DNAH8: variants seen among roughly 807,000 people sequenced by gnomAD.
DNAH8 encodes the protein dynein axonemal heavy chain 8, also known as axonemal beta dynein heavy chain 8.
In DNAH8, 382 loss-of-function variants were observed where a neutral mutation model predicts 562.1. That is an observed-to-expected ratio of 0.68 (90% confidence interval 0.63 to 0.74). The LOEUF is 0.74. Ranked by LOEUF, DNAH8 falls within the 30% of genes least tolerant of loss-of-function variation. The pLI, the probability that DNAH8 is intolerant of heterozygous loss-of-function variation, is 0.00. For missense variants in DNAH8, 5,203 were observed against 5,620.4 expected (o/e 0.93, Z 2.37); for synonymous variants, 1,881 against 1,919.4 (o/e 0.98, Z 0.52).
chr6:38,891,926 C>A (rs1031759338), intron 58 of DNAH8, among the ~76,000 whole-genome samples: 1 of 152,138 alleles, frequency 6.6e-6, no homozygotes, highest in Non-Finnish European at 1.5e-5. Flanking sequence ...TCAAGGCCAC[C>A]AAAGACCTTG....
At chr6:38,882,751 G>A (rs566231797) in intron 53 of DNAH8, among the ~76,000 whole-genome samples, 159 bp from the exon 54 acceptor site, 2 of 152,264 alleles carry the variant, frequency 1.3e-5, no homozygotes, top group East Asian at 1.9e-4. Context: ...ATCAAATGCT[G>A]TAGACATAAG....
intron 44 of DNAH8, among the ~76,000 whole-genome samples, chr6:38,863,255 C>T (rs9357286): frequency 0.27 from 41,073 of 151,698 alleles, 6,264 homozygotes; most frequent in East Asian, 0.67. Flanking sequence ...CATGGTGAAA[C>T]CCCATCTCTA....
chr6:38,984,609 G>T (rs1764256934), intron 87 of DNAH8, among the ~76,000 whole-genome samples: 1 of 152,076 alleles, frequency 6.6e-6, no homozygotes, highest in African/African-American at 2.4e-5. Context: ...TGGCCAATAT[G>T]GTGAAACCCC....
In DNAH8 at chr6:39,028,950, G is replaced by A. The variant is rs978734779; in HGVS notation, c.13837-1155G>A. Among the ~76,000 whole-genome samples, 8 of 152,144 alleles carry A rather than the reference G, an allele frequency of 5.3e-5. No homozygotes were observed. In the East Asian group the frequency reaches 5.8e-4, roughly 11 times the overall value. The stretch of plus-strand genomic sequence containing the variant: ...TTTGCAATGAATCTTACTGTCTTTC[G>A]TTCTAATCAGCATTTACTTCCCTGA... On this transcript the variant is annotated intron_variant, in intron 92 of 92. Transcript: ENST00000327475.
intron 53 of DNAH8, among the ~76,000 whole-genome samples, chr6:38,876,319 A>C (rs1777994418): frequency 6.6e-6 from 1 of 151,922 alleles, no homozygotes; most frequent in Admixed American, 6.6e-5. Context: ...GCTCCTTAAA[A>C]GAAATGCCTT....
Position 38,848,690 on chromosome 6 carries a change from T to C in DNAH8, c.5088T>C (p.Tyr1696=), listed in dbSNP as rs1462577430. The C allele has an allele frequency of 1.2e-5, 19 of 1,612,168 alleles. No homozygotes were observed. The highest frequency in any genetic ancestry group is 1.4e-5 in the Non-Finnish European group (16 of 1,178,504). Residue 1696 remains tyrosine, a synonymous_variant, in exon 37 of 93, where the codon TAT becomes TAC. Coordinates refer to ENST00000327475, the MANE Select transcript of DNAH8 (RefSeq NM_001206927.2). ...AAAAAAATATCCAGAATTGGGTGTA[T>C]AAATTGTCCACTTCCTCAGATATAA... ...PFKKNIQNWV[Y]KLSTSSDIIE... is the part of the protein sequence containing the mutation.
rs143005131 is a variant in DNAH8, at chr6:38,872,303, T to C, written c.6991-233T>C. 3.3e-3 allele frequency among the ~76,000 whole-genome samples: 502 copies of C among 152,294 alleles called. 3 individuals carry two copies. Among genetic ancestry groups the C allele is most frequent in the Middle Eastern group, 0.014 (4 of 294 alleles). ...AAAACTAGATGCTGAGTTAATTATTTCCAAAATGTAATTCAAGCTCCACAT... is the reference window on the plus strand; with the variant it reads ...AAAACTAGATGCTGAGTTAATTATTCCCAAAATGTAATTCAAGCTCCACAT... On this transcript the variant is annotated intron_variant, in intron 49 of 92. Coordinates refer to ENST00000327475, the MANE Select transcript of DNAH8 (RefSeq NM_001206927.2).
intron 12 of DNAH8, among the ~76,000 whole-genome samples, chr6:38,775,385 A>G (rs1278562377): frequency 1.3e-5 from 2 of 152,218 alleles, no homozygotes; most frequent in African/African-American, 4.8e-5. Context: ...TGAGGGCCAA[A>G]CAGCATGGTG....
At chr6:38,823,158 C>A in intron 27 of DNAH8, 124 bp downstream of exon 27, 1 of 779,660 alleles carries the variant, frequency 1.3e-6, no homozygotes, top group Non-Finnish European at 2.0e-6. Flanking sequence ...TCTATAAATA[C>A]CAAGCACCTG....
intron 58 of DNAH8, among the ~76,000 whole-genome samples, chr6:38,891,567 T>C (rs1373320020): frequency 2.0e-5 from 3 of 152,218 alleles, no homozygotes; most frequent in East Asian, 3.8e-4. Context: ...GGGTTTCTTA[T>C]GAGATGCTCT....
chr6:38,844,296 T>G (rs1426539452), intron 35 of DNAH8, among the ~76,000 whole-genome samples: 1 of 152,114 alleles, frequency 6.6e-6, no homozygotes, highest in Non-Finnish European at 1.5e-5. Context: ...ATGTTTGTCT[T>G]TTTTTTAAGT....
Position 39,010,192 on chromosome 6 carries a change from A to G in DNAH8, c.13371+1222A>G, listed in dbSNP as rs1458411758. On this transcript the variant is annotated intron_variant, in intron 89 of 92. Coordinates refer to ENST00000327475, the MANE Select transcript of DNAH8 (RefSeq NM_001206927.2). ...CTAAATGGATTCCTATATGGGAAAG[A>G]GTTTGTACTAAGAGACATCTAAAAC... Among the ~76,000 whole-genome samples, 3 of 152,312 alleles carry G rather than the reference A, an allele frequency of 2.0e-5. No homozygotes were observed. In the South Asian group the frequency reaches 6.2e-4, roughly 32 times the overall value.
chr6:38,915,764 A>G (rs1218908956), intron 68 of DNAH8, among the ~76,000 whole-genome samples: 1 of 152,124 alleles, frequency 6.6e-6, no homozygotes, highest in Non-Finnish European at 1.5e-5. Flanking sequence ...TGAGCTAGAC[A>G]TCCACAGCTG....
intron 10 of DNAH8, among the ~76,000 whole-genome samples, chr6:38,757,520 G>A (rs1766036631): frequency 6.6e-6 from 1 of 152,082 alleles, no homozygotes; most frequent in Admixed American, 6.5e-5. Flanking sequence ...AAGCTCTTTA[G>A]TTCAATTAGA....
chr6:38,872,401 T>G, intron 49 of DNAH8, 135 bp from the exon 50 acceptor site: 3 of 971,570 alleles, frequency 3.1e-6, no homozygotes, highest in Non-Finnish European at 4.5e-6. Flanking sequence ...AAACAACATT[T>G]TTTACAACTT....
chr6:38,883,280 T>A (rs767173507), intron 54 of DNAH8, 42 bp from the exon 55 acceptor site: 1 of 1,550,204 alleles, frequency 6.5e-7, no homozygotes, highest in Non-Finnish European at 8.7e-7. Flanking sequence ...TGAAACTAAA[T>A]AAGTTGTAAC....
chr6:38,841,631 GTCA>G (rs1400826612), intron 33 of DNAH8, among the ~76,000 whole-genome samples: 1 of 152,136 alleles, frequency 6.6e-6, no homozygotes, highest in Admixed American at 6.5e-5. Context: ...CTGTTGAGTG[GTCA>G]ATTTGGTGTT....
At chr6:38,961,243 T>C (rs1583461129) in intron 82 of DNAH8, among the ~76,000 whole-genome samples, 1 of 151,942 alleles carries the variant, frequency 6.6e-6, no homozygotes, top group African/African-American at 2.4e-5. Context: ...TAGTTAACCA[T>C]AATTTATTTT....
chr6:38,883,945 AC>A lies in DNAH8; in HGVS notation c.8207del (p.Thr2736MetfsTer11). The A allele has an allele frequency of 6.3e-7, 1 of 1,590,366 alleles. No homozygotes were observed. The highest frequency in any genetic ancestry group is 8.6e-7 in the Non-Finnish European group (1 of 1,166,858). ...TGGGCCACCAGGAGGGAGAAAAATG[AC>A]TGTATTTATTGATGATATTAATATG... ...TYGPPGGRKM[T>X]VFIDDINMPV... On this transcript the variant is annotated frameshift_variant, in exon 56 of 93. Transcript: ENST00000327475. LOFTEE classifies it high-confidence loss of function.
Sources: gnomAD v4.1 joint callset for allele counts (sites outside exome capture counted in the v4.1 genomes callset) on GRCh38, gnomAD v4.1.1 for gene constraint, MANE v1.5 for transcripts, NCBI Gene and HGNC (gene_info 2026-07-23, HGNC 2026-07-21) for gene names.